The following BLOC1S2 variants were observed in gnomAD, a reference collection of about 807,000 sequenced individuals.
BLOC1S2 encodes the protein biogenesis of lysosomal organelles complex 1 subunit 2.
Under a neutral mutation model 19.6 loss-of-function variants are expected in BLOC1S2, and 12 were observed. The ratio of observed to expected loss-of-function variants is 0.61; its 90% CI spans 0.39 to 0.99. BLOC1S2 has a LOEUF of 0.99. Among genes scored for constraint, BLOC1S2 ranks in the 50% least tolerant of loss-of-function variants. BLOC1S2 has a pLI of 0.00. For missense variants in BLOC1S2, 142 were observed against 171.0 expected (o/e 0.83, Z 0.95); for synonymous variants, 66 against 64.1 (o/e 1.03, Z -0.14).
intron 1 of BLOC1S2, 69 bp from the exon 2 acceptor site, chr10:100,286,282 C>T (rs994840944): frequency 1.9e-6 from 3 of 1,553,414 alleles, no homozygotes; most frequent in Non-Finnish European, 2.6e-6. Flanking sequence ...GCAGCCTGTT[C>T]CGACATCCCT....
At chr10:100,280,648 C>T (rs146959620) in intron 3 of BLOC1S2, among the ~76,000 whole-genome samples, 2,610 of 152,230 alleles carry the variant, frequency 0.017, 60 homozygotes, top group African/African-American at 0.057. Context: ...ATAGAGTAAT[C>T]CTTTATGGAT....
At chr10:100,281,173 A>G (rs1848092654) in intron 2 of BLOC1S2, 120 bp from the exon 3 acceptor site, 27 of 1,149,974 alleles carry the variant, frequency 2.3e-5, no homozygotes, top group Non-Finnish European at 3.2e-5. Context: ...GGAGTGGGCC[A>G]CTTTTGATCT....
rs917996349 is a variant in BLOC1S2 at position 100,275,147 on chromosome 10, A to G, written c.*315T>C. On this transcript the variant is annotated 3_prime_UTR_variant, in exon 5 of 5. Transcript: ENST00000370372. Reference sequence around the variant, plus strand: ...GTAATCAACCACTACCAGAGAAAATAGGTCCTCTCATTTGATTTTACTGGT... The same window carrying G: ...GTAATCAACCACTACCAGAGAAAATGGGTCCTCTCATTTGATTTTACTGGT... The G allele has an allele frequency of 1.5e-5, 6 of 405,126 alleles. No individual in the cohort carries two copies. Among genetic ancestry groups the G allele is most frequent in the Middle Eastern group, 6.2e-4 (1 of 1,602 alleles). The allele number at this position is 405,126 out of a possible 1,614,324, so 25.1% of individuals were successfully genotyped here.
At chr10:100,278,133 G>A (rs1309863598) in intron 4 of BLOC1S2, among the ~76,000 whole-genome samples, 20 of 142,116 alleles carry the variant, frequency 1.4e-4, no homozygotes, top group Admixed American at 2.7e-4. Context: ...CCCCCTCCCG[G>A]CCAGCCACCC....
In BLOC1S2 at chr10:100,275,425, TAAA is replaced by T; in HGVS notation, c.*34_*36del. 8.0e-7 allele frequency: 1 copy of T among 1,256,910 alleles called. No individual in the cohort carries two copies. 77.9% of individuals were successfully genotyped at this position (1,256,910 alleles called of 1,614,324 possible). A position where few individuals can be genotyped will look rare whatever the true frequency, so the allele number is the denominator to read the frequency against. Reference sequence around the variant, plus strand: ...GGTTTTATAAGACATTCTTCCACATTAAAAAAAAAAGACTCTGTCCCATAGAAA... The same window carrying T: ...GGTTTTATAAGACATTCTTCCACATTAAAAAAAGACTCTGTCCCATAGAAA... On this transcript the variant is annotated 3_prime_UTR_variant, in exon 5 of 5. Transcript: ENST00000370372.
chr10:100,276,879 T>C (rs563105418), intron 4 of BLOC1S2, among the ~76,000 whole-genome samples: 136 of 152,266 alleles, frequency 8.9e-4, no homozygotes, highest in African/African-American at 3.2e-3. Flanking sequence ...CCGCCTGCCT[T>C]GGCCCCCCCA....
At chr10:100,276,111 G>A (rs1228360575) in intron 4 of BLOC1S2, among the ~76,000 whole-genome samples, 2 of 152,028 alleles carry the variant, frequency 1.3e-5, no homozygotes, top group African/African-American at 4.8e-5. Context: ...CCTTCTACGC[G>A]GTAAGGTTCA....
chr10:100,281,874 C>T (rs754696330), intron 2 of BLOC1S2, among the ~76,000 whole-genome samples: 34 of 152,048 alleles, frequency 2.2e-4, no homozygotes, highest in Non-Finnish European at 3.8e-4. Context: ...TTCCCTATCC[C>T]CATTCAAAGC....
At chr10:100,279,384 T>C (rs112844836) in intron 4 of BLOC1S2, among the ~76,000 whole-genome samples, 2,037 of 152,316 alleles carry the variant, frequency 0.013, 47 homozygotes, top group African/African-American at 0.047. Flanking sequence ...TTAGTGTCCT[T>C]AAGCAACTTA....
chr10:100,282,158 G>GGCA (rs1334454105), intron 2 of BLOC1S2, among the ~76,000 whole-genome samples: 2 of 151,856 alleles, frequency 1.3e-5, no homozygotes, highest in African/African-American at 4.8e-5. Context: ...CCTCTCTCCT[G>GGCA]GCACCTTCCT....
chr10:100,280,128 T>G lies in BLOC1S2; in HGVS notation c.393A>C (p.Lys131Asn), dbSNP rs1167517710. The G allele has an allele frequency of 1.2e-6, 2 of 1,611,328 alleles. No homozygotes were observed. Among genetic ancestry groups the G allele is most frequent in the Non-Finnish European group, 1.7e-6 (2 of 1,178,434 alleles). The change falls in exon 4 of 5, where the codon AAA (lysine) becomes AAC (asparagine). Residue 131 changes from lysine (K) to asparagine (N), a missense_variant. Physicochemically the swap from Lys to Asn is moderately conservative, Grantham distance 94. Transcript: ENST00000370372. ...AACAGAAGTAAAAACGGTTACCCAG[T>G]TTTTTTGAATATGCATCCAACTTGT... The part of the protein sequence containing the change: ...AAYKLDAYSK[K>N]LEAKYKKLEK...
intron 4 of BLOC1S2, among the ~76,000 whole-genome samples, chr10:100,277,804 C>T (rs1394758140): frequency 1.5e-5 from 2 of 130,740 alleles, no homozygotes; most frequent in African/African-American, 6.0e-5. Flanking sequence ...CCCCTCTGCC[C>T]GGCCAGCCGC....
intron 2 of BLOC1S2, among the ~76,000 whole-genome samples, chr10:100,282,307 C>T (rs1008473516): frequency 3.9e-4 from 59 of 152,354 alleles, no homozygotes; most frequent in African/African-American, 1.1e-3. Flanking sequence ...CTCACTACAT[C>T]CTCTTCCTTA....
intron 4 of BLOC1S2, among the ~76,000 whole-genome samples, chr10:100,277,757 C>CT (rs1033683445): frequency 8.4e-6 from 1 of 119,718 alleles, no homozygotes; most frequent in Non-Finnish European, 1.8e-5. Flanking sequence ...AGGTGAGGGG[C>CT]GCCTCTGCCT....
In BLOC1S2 at chr10:100,280,985, T is replaced by C; in HGVS notation, c.241A>G (p.Lys81Glu). The C allele has an allele frequency of 6.2e-7, 1 of 1,613,732 alleles. No individual in the cohort carries two copies. Among genetic ancestry groups the C allele is most frequent in the Non-Finnish European group, 8.5e-7 (1 of 1,179,820 alleles). ...KLTSLKYLEMKDIAINISRNL... is the reference protein window; with the variant it reads ...KLTSLKYLEMEDIAINISRNL... The stretch of plus-strand genomic sequence containing the variant: ...CTACTAATGTTTATAGCAATATCTT[T>C]CATTTCAAGATACTTCAAGCTGGTG... Residue 81 changes from lysine to glutamate, a missense_variant, in exon 3 of 5, where the codon AAA becomes GAA. Transcript: ENST00000370372.
chr10:100,276,328 T>TCTCCCGTCTCCCTCTCC (rs1564870940), intron 4 of BLOC1S2, among the ~76,000 whole-genome samples: 1 of 36,212 alleles, frequency 2.8e-5, no homozygotes, highest in Admixed American at 2.7e-4. Context: ...TCTCCCTCTC[T>TCTCCCGTCTCCCTCTCC]CTCTCCCGTC....
chr10:100,281,711 T>TACACACACACACACACACAC (rs71013439), intron 2 of BLOC1S2, among the ~76,000 whole-genome samples: 35 of 132,570 alleles, frequency 2.6e-4, no homozygotes, highest in African/African-American at 6.0e-4. Flanking sequence ...TATATACACA[T>TACACACACACACACACACAC]ACACACACAC....
At chr10:100,281,092 T>C in intron 2 of BLOC1S2, 39 bp from the exon 3 acceptor site, 2 of 1,605,588 alleles carry the variant, frequency 1.2e-6, no homozygotes, top group Non-Finnish European at 1.7e-6. Flanking sequence ...CTTTAAGATT[T>C]GTCTTAAATC....
At chr10:100,278,884 G>A (rs61871342) in intron 4 of BLOC1S2, among the ~76,000 whole-genome samples, 53,903 of 151,038 alleles carry the variant, frequency 0.36, 10,394 homozygotes, top group Non-Finnish European at 0.45. Context: ...CCATGAGTTC[G>A]AGACCAGCCT....
Sources: gnomAD v4.1 joint callset for allele counts (sites outside exome capture counted in the v4.1 genomes callset) on GRCh38, gnomAD v4.1.1 for gene constraint, MANE v1.5 for transcripts, NCBI Gene and HGNC (gene_info 2026-07-23, HGNC 2026-07-21) for gene names.